Variants in NT5DC1 observed in about 807,000 individuals in gnomAD.
NT5DC1 encodes the protein 5'-nucleotidase domain containing 1.
A neutral mutation model predicts 59.4 loss-of-function variants in NT5DC1; 42 were observed. The ratio of observed to expected loss-of-function variants is 0.71; its 90% CI spans 0.55 to 0.92. NT5DC1 has a LOEUF of 0.92. Ranked by LOEUF, NT5DC1 falls within the 40% of genes least tolerant of loss-of-function variation. The pLI, the probability that NT5DC1 is intolerant of heterozygous loss-of-function variation, is 0.00. For missense variants in NT5DC1, 501 were observed against 537.1 expected (o/e 0.93, Z 0.66); for synonymous variants, 172 against 188.1 (o/e 0.91, Z 0.70).
chr6:116,134,296 T>C (rs1779536251), intron 6 of NT5DC1, among the ~76,000 whole-genome samples: 2 of 152,050 alleles, frequency 1.3e-5, no homozygotes, highest in Non-Finnish European at 2.9e-5. Flanking sequence ...TACTTCCTGC[T>C]GTAGACTCAT....
chr6:116,125,360 G>T, intron 6 of NT5DC1: 1 of 1,613,766 alleles, frequency 6.2e-7, no homozygotes, highest in Non-Finnish European at 8.5e-7. Flanking sequence ...ATGGTGTAGG[G>T]AATGAAGAAC....
At position 116,100,882 on chromosome 6, in the gene NT5DC1, C is replaced by A. The variant is rs780962856; in HGVS notation, c.-49C>A. ...TCCCGCAGCGTCCCGCCAGCCAGCT[C>A]CTTGCACCCTTCGCGGCCGAGGCGC... On this transcript the variant is annotated 5_prime_UTR_variant, in exon 1 of 12. Coordinates refer to ENST00000319550, the MANE Select transcript of NT5DC1 (RefSeq NM_152729.3). 1.1e-5 allele frequency: 16 copies of A among 1,449,566 alleles called. No homozygotes were observed. The highest frequency in any genetic ancestry group is 1.2e-5 in the South Asian group (1 of 83,780). The allele number at this position is 1,449,566 out of a possible 1,614,324, so 89.8% of individuals were successfully genotyped here. A position where few individuals can be genotyped will look rare whatever the true frequency, so the allele number is the denominator to read the frequency against.
At chr6:116,126,807 T>C (rs892979243) in intron 6 of NT5DC1, among the ~76,000 whole-genome samples, 2 of 152,198 alleles carry the variant, frequency 1.3e-5, no homozygotes, top group Non-Finnish European at 1.5e-5. Context: ...AAGATTGCTG[T>C]GTTTATTTCA....
chr6:116,120,329 A>G, intron 6 of NT5DC1: 3 of 1,614,224 alleles, frequency 1.9e-6, no homozygotes, highest in Non-Finnish European at 1.7e-6. Flanking sequence ...AAAATAGTAT[A>G]TTCCTGGTAT....
chr6:116,114,407 TACTC>T (rs1017463180), intron 4 of NT5DC1, among the ~76,000 whole-genome samples: 4 of 151,990 alleles, frequency 2.6e-5, no homozygotes, highest in African/African-American at 9.7e-5. Context: ...CTTATTGGAT[TACTC>T]ATTCATTCAT....
chr6:116,110,675 C>T (rs1778856437), intron 3 of NT5DC1, 175 bp from the exon 4 acceptor site: 5 of 687,574 alleles, frequency 7.3e-6, no homozygotes, highest in Non-Finnish European at 1.3e-5. Flanking sequence ...AGTGCTACAG[C>T]TGCCCACAGA....
At chr6:116,135,393 T>TC (rs756005383) in intron 6 of NT5DC1, among the ~76,000 whole-genome samples, 11 of 152,054 alleles carry the variant, frequency 7.2e-5, no homozygotes, top group Non-Finnish European at 1.5e-4. Context: ...TCATTTTTTT[T>TC]CTGTAGCATC....
chr6:116,117,469 G>A (rs1026909676), intron 5 of NT5DC1, among the ~76,000 whole-genome samples: 3 of 152,116 alleles, frequency 2.0e-5, no homozygotes, highest in South Asian at 2.1e-4. Flanking sequence ...TAAACCCATC[G>A]TTAAGTCAAA....
At chr6:116,189,118 A>G (rs188515784) in intron 6 of NT5DC1, among the ~76,000 whole-genome samples, 50 of 152,056 alleles carry the variant, frequency 3.3e-4, no homozygotes, top group Non-Finnish European at 4.4e-4. Context: ...TCAAGTTGAA[A>G]TGAGATGTTT....
chr6:116,237,437 C>T (rs1282923394), intron 9 of NT5DC1: 2 of 468,846 alleles, frequency 4.3e-6, no homozygotes, highest in Admixed American at 4.7e-5. Context: ...GCATTTCTAA[C>T]AGCAGAACCC....
intron 6 of NT5DC1, among the ~76,000 whole-genome samples, chr6:116,217,818 A>C (rs993056939): frequency 1.3e-5 from 2 of 152,152 alleles, no homozygotes; most frequent in African/African-American, 4.8e-5. Context: ...ATATAATTTA[A>C]TAGACAATTA....
chr6:116,221,685 G>A (rs1034667128), intron 7 of NT5DC1, among the ~76,000 whole-genome samples: 1 of 152,156 alleles, frequency 6.6e-6, no homozygotes, highest in Non-Finnish European at 1.5e-5. Flanking sequence ...AATGAAGGCA[G>A]TATAATTGCA....
intron 6 of NT5DC1, among the ~76,000 whole-genome samples, chr6:116,190,553 A>C (rs1434437844): frequency 6.6e-6 from 1 of 151,992 alleles, no homozygotes; most frequent in African/African-American, 2.4e-5. Context: ...CCTTTTTTAC[A>C]CAGCTAAAAT....
intron 6 of NT5DC1, among the ~76,000 whole-genome samples, chr6:116,187,890 A>G (rs917699530): frequency 1.3e-5 from 2 of 152,098 alleles, no homozygotes; most frequent in Admixed American, 6.6e-5. Context: ...GTCTCTCTTC[A>G]TAAAAAATTA....
chr6:116,222,910 T>G, intron 7 of NT5DC1, 124 bp from the exon 8 acceptor site: 1 of 601,824 alleles, frequency 1.7e-6, no homozygotes, highest in Non-Finnish European at 3.0e-6. Flanking sequence ...ATATAAAGCA[T>G]GTAAAAGTTA....
At chr6:116,154,175 T>C (rs961173007) in intron 6 of NT5DC1, among the ~76,000 whole-genome samples, 1 of 152,136 alleles carries the variant, frequency 6.6e-6, no homozygotes, top group African/African-American at 2.4e-5. Flanking sequence ...GTCTATTGAT[T>C]TTACTTTTGG....
intron 6 of NT5DC1, among the ~76,000 whole-genome samples, chr6:116,206,021 A>G (rs940848777): frequency 3.3e-5 from 5 of 152,004 alleles, no homozygotes; most frequent in African/African-American, 9.7e-5. Flanking sequence ...TGGACCATCT[A>G]GCCCAGTGTT....
intron 11 of NT5DC1, 140 bp downstream of exon 11, chr6:116,239,263 A>T (rs531377721): frequency 6.1e-6 from 4 of 660,792 alleles, no homozygotes; most frequent in African/African-American, 5.6e-5. Context: ...TATGGAACCT[A>T]GGTAATTAGG....
chr6:116,103,185 C>T (rs1310710429), intron 1 of NT5DC1, among the ~76,000 whole-genome samples: 1 of 152,126 alleles, frequency 6.6e-6, no homozygotes, highest in Non-Finnish European at 1.5e-5. Context: ...TGGGCACATA[C>T]TGGACTCAAT....
Sources: allele counts gnomAD v4.1 joint callset (sites outside exome capture counted in the v4.1 genomes callset), GRCh38; gene constraint gnomAD v4.1.1; transcripts MANE v1.5; gene names NCBI Gene and HGNC (gene_info 2026-07-23, HGNC 2026-07-21).